Variants in SELP observed in about 807,000 individuals in gnomAD.
The protein encoded by SELP is selectin P.
Under a neutral mutation model 104.1 loss-of-function variants are expected in SELP, and 92 were observed. The ratio of observed to expected loss-of-function variants is 0.88; its 90% CI spans 0.75 to 1.05. SELP has a LOEUF of 1.05. Ranked by LOEUF, SELP falls within the 50% of genes least tolerant of loss-of-function variation. The pLI, the probability that SELP is intolerant of heterozygous loss-of-function variation, is 0.00. For synonymous variants in SELP, 397 were observed against 364.5 expected (o/e 1.09, Z -1.01); for missense variants, 1,022 against 1,017.3 (o/e 1.00, Z -0.06).
At chr1:169,590,356 G>A (rs1378102005) in intron 15 of SELP, among the ~76,000 whole-genome samples, 154 bp from the exon 16 acceptor site, 2 of 152,114 alleles carry the variant, frequency 1.3e-5, no homozygotes, top group Admixed American at 6.5e-5. Context: ...AGAAATATTC[G>A]ATATCCCACT....
Position 169,597,063 on chromosome 1 carries a change from TA to T in SELP, c.1818del (p.Phe606LeufsTer27). The T allele has an allele frequency of 6.2e-7, 1 of 1,613,408 alleles. No homozygotes were observed. The highest frequency in any genetic ancestry group is 8.5e-7 in the Non-Finnish European group (1 of 1,179,626). ...STCHFSCDNG[F>X]KLEGPNNVEC... ...TCCACATTATTGGGCCCCTCCAGCT[TA>T]AAGCCGTTGTCACAAGAGAAATGGC... On this transcript the variant is annotated frameshift_variant, in exon 11 of 17. Coordinates refer to ENST00000263686, the MANE Select transcript of SELP (RefSeq NM_003005.4). LOFTEE classifies it high-confidence loss of function.
At position 169,589,069 on chromosome 1, in the gene SELP, T is replaced by C. The variant is rs1661216352; in HGVS notation, c.*394A>G. Reference sequence around the variant, plus strand: ...AACCACTGGAGACTCCAGAAGATGCTACAGGAATTTCTTCCAATTAGAGAT... The same window carrying C: ...AACCACTGGAGACTCCAGAAGATGCCACAGGAATTTCTTCCAATTAGAGAT... On this transcript the variant is annotated 3_prime_UTR_variant, in exon 17 of 17. Coordinates refer to ENST00000263686, the MANE Select transcript of SELP (RefSeq NM_003005.4). 6.6e-6 allele frequency: 1 copy of C among 152,182 alleles called. No homozygotes were observed. The highest frequency in any genetic ancestry group is 1.5e-5 in the Non-Finnish European group (1 of 68,030). 9.4% of individuals were successfully genotyped at this position (152,182 alleles called of 1,614,324 possible). A position where few individuals can be genotyped will look rare whatever the true frequency, so the allele number is the denominator to read the frequency against.
intron 9 of SELP, 128 bp from the exon 10 acceptor site, chr1:169,603,339 G>A: frequency 1.4e-6 from 1 of 722,826 alleles, no homozygotes; most frequent in Non-Finnish European, 2.2e-6. Flanking sequence ...GTGTGTGTGT[G>A]TGTGTGTGTG....
intron 8 of SELP, among the ~76,000 whole-genome samples, chr1:169,608,778 C>T (rs984932454): frequency 6.6e-6 from 1 of 152,062 alleles, no homozygotes; most frequent in Non-Finnish European, 1.5e-5. Context: ...GCTCAGAGGT[C>T]TCCGTAAATG....
intron 15 of SELP, 75 bp from the exon 16 acceptor site, chr1:169,590,277 T>C: frequency 9.4e-7 from 1 of 1,069,236 alleles, no homozygotes; most frequent in Non-Finnish European, 1.4e-6. Context: ...ACATAGTATT[T>C]CCAGAAACCA....
intron 14 of SELP, among the ~76,000 whole-genome samples, chr1:169,592,848 C>T (rs567643465): frequency 6.6e-6 from 1 of 152,292 alleles, no homozygotes; most frequent in South Asian, 2.1e-4. Flanking sequence ...CCTCCATAAT[C>T]CCCTTTTGAT....
chr1:169,622,230 GT>G (rs1663172415), intron 1 of SELP, among the ~76,000 whole-genome samples: 1 of 152,184 alleles, frequency 6.6e-6, no homozygotes, highest in African/African-American at 2.4e-5. Flanking sequence ...CAGCAAATCC[GT>G]TTTCAAGTCT....
intron 14 of SELP, 58 bp from the exon 15 acceptor site, chr1:169,591,514 G>C: frequency 2.4e-6 from 3 of 1,269,774 alleles, no homozygotes; most frequent in Non-Finnish European, 3.3e-6. Context: ...AGATGAAAGA[G>C]AGGGTCATTA....
At chr1:169,616,010 G>A (rs1662787906) in intron 3 of SELP, among the ~76,000 whole-genome samples, 1 of 152,184 alleles carries the variant, frequency 6.6e-6, no homozygotes, top group Non-Finnish European at 1.5e-5. Context: ...ACAAAGGACA[G>A]AACCGGCCCC....
chr1:169,614,460 T>G (rs1662711784), intron 3 of SELP, among the ~76,000 whole-genome samples: 1 of 152,154 alleles, frequency 6.6e-6, no homozygotes, highest in Admixed American at 6.5e-5. Flanking sequence ...CAAGAAAGTA[T>G]TTTAGGGTAT....
intron 1 of SELP, among the ~76,000 whole-genome samples, chr1:169,619,871 CTT>C (rs1663003671): frequency 6.6e-6 from 1 of 152,120 alleles, no homozygotes. Flanking sequence ...CATGAACTCT[CTT>C]CTGTTGGGAT....
chr1:169,612,839 C>T, intron 5 of SELP, 90 bp downstream of exon 5: 1 of 1,122,522 alleles, frequency 8.9e-7, no homozygotes, highest in Non-Finnish European at 1.2e-6. Flanking sequence ...GTCATTATTT[C>T]TCACATTTTT....
Position 169,611,577 on chromosome 1 carries a change from G to C in SELP, c.1062C>G (p.Cys354Trp). 1 of 1,614,136 alleles carries C rather than the reference G, an allele frequency of 6.2e-7. No individual in the cohort carries two copies. ...FAYGSSCKFECQPGYRVRGLD... is the reference protein window; with the variant it reads ...FAYGSSCKFEWQPGYRVRGLD... The stretch of plus-strand genomic sequence containing the variant: ...AGCCCCTCACTCTGTAGCCGGGCTG[G>C]CACTCAAATTTACAGCTGGAGCCAT... Residue 354 changes from cysteine to tryptophan, a missense_variant, in exon 7 of 17, where the codon TGC (cysteine) becomes TGG (tryptophan). Coordinates refer to ENST00000263686, the MANE Select transcript of SELP (RefSeq NM_003005.4).
chr1:169,589,832 T>C (rs1288365705), intron 16 of SELP, among the ~76,000 whole-genome samples: 2 of 152,236 alleles, frequency 1.3e-5, no homozygotes, highest in African/African-American at 4.8e-5. Flanking sequence ...TCAGCAGTCC[T>C]GACTTCTGCT....
intron 9 of SELP, 96 bp from the exon 10 acceptor site, chr1:169,603,307 C>CTCTCTCTCTCTG (rs879181764): frequency 3.3e-6 from 2 of 605,588 alleles, no homozygotes; most frequent in African/African-American, 4.4e-5. Flanking sequence ...CTCTCTCTCT[C>CTCTCTCTCTCTG]TGTGTGTGTG....
At chr1:169,616,406 C>A (rs772256938) in intron 3 of SELP, among the ~76,000 whole-genome samples, 1 of 152,112 alleles carries the variant, frequency 6.6e-6, no homozygotes, top group Non-Finnish European at 1.5e-5. Context: ...AGCTTAGAAC[C>A]CTGGGCAGAT....
chr1:169,629,558 T>C (rs568778259), intron 1 of SELP, among the ~76,000 whole-genome samples: 1 of 152,334 alleles, frequency 6.6e-6, no homozygotes, highest in Non-Finnish European at 1.5e-5. Context: ...CCCAGAAGAT[T>C]CATAGGCTCA....
Position 169,609,622 on chromosome 1 carries a change from C to T in SELP, c.1215G>A (p.Ala405=), listed in dbSNP as rs138017338. The T allele has an allele frequency of 3.8e-4, 607 of 1,613,986 alleles. 4 individuals carry two copies. The highest frequency in any genetic ancestry group is 2.5e-3 in the Middle Eastern group (15 of 6,060). ...GSMDCSPSLR[A]FQYDTNCSFR... ...AGCTACAGTTGGTGTCATACTGAAACGCTCTCAAGGATGGAGAGCAATCCA... is the reference window on the plus strand; with the variant it reads ...AGCTACAGTTGGTGTCATACTGAAATGCTCTCAAGGATGGAGAGCAATCCA... Residue 405 remains alanine (A), a synonymous_variant, in exon 8 of 17, where the codon GCG becomes GCA. Coordinates refer to ENST00000263686, the MANE Select transcript of SELP (RefSeq NM_003005.4).
At chr1:169,602,085 C>A (rs927302572) in intron 10 of SELP, among the ~76,000 whole-genome samples, 1 of 151,960 alleles carries the variant, frequency 6.6e-6, no homozygotes, top group African/African-American at 2.4e-5. Context: ...CTGGCCCCTG[C>A]CTTTGAGAAT....
Sources: gnomAD v4.1 joint callset for allele counts (sites outside exome capture counted in the v4.1 genomes callset) on GRCh38, gnomAD v4.1.1 for gene constraint, MANE v1.5 for transcripts, NCBI Gene and HGNC (gene_info 2026-07-23, HGNC 2026-07-21) for gene names.